Variants in PUSL1 observed in about 807,000 individuals in gnomAD.
The protein encoded by PUSL1 is pseudouridine synthase like 1.
In PUSL1, 51 loss-of-function variants were observed where a neutral mutation model predicts 30.7. That is an observed-to-expected ratio of 1.66 (90% CI 1.33 to 2.10). The LOEUF is 2.10. Among genes scored for constraint, PUSL1 ranks in the 30% most tolerant of loss-of-function variants. PUSL1 has a pLI of 0.00. For missense variants in PUSL1, 609 were observed against 427.6 expected, an observed-to-expected ratio of 1.42 and a Z score of -3.74; for synonymous variants, 290 against 192.1, an observed-to-expected ratio of 1.51 and a Z score of -4.21.
Position 1,309,109 on chromosome 1 carries a change from C to G in PUSL1, c.159C>G (p.Ser53=), listed in dbSNP as rs777135912. 2 of 1,514,158 alleles carry G rather than the reference C, an allele frequency of 1.3e-6. No homozygotes were observed. The highest frequency in any genetic ancestry group is 2.1e-5 in the Admixed American group (1 of 48,244). 93.8% of individuals were successfully genotyped at this position (1,514,158 alleles called of 1,614,324 possible). A position where few individuals can be genotyped will look rare whatever the true frequency, so the allele number is the denominator to read the frequency against. The stretch of plus-strand genomic sequence containing the variant: ...AGGAGGCCGCCGAGCGGCTGAATTC[C>G]GTGGAGCCGGTCAGGTTCACCATCT... ...YLEEAAERLN[S]VEPVRFTISS... The change falls in exon 3 of 8, where the codon TCC becomes TCG. Residue 53 remains serine, a synonymous_variant. Coordinates refer to ENST00000379031, the MANE Select transcript of PUSL1 (RefSeq NM_153339.3).
At position 1,309,804 on chromosome 1, in the gene PUSL1, C is replaced by G. The variant is rs1461064487; in HGVS notation, c.597C>G (p.Ser199=). Reference sequence around the variant, plus strand: ...CCGTGCGAACGCTGCGCCGGGTCTCCGTTTCCCCAGGCCAAGCCAGCCCCT... The same window carrying G: ...CCGTGCGAACGCTGCGCCGGGTCTCGGTTTCCCCAGGCCAAGCCAGCCCCT... ...PSPVRTLRRV[S]VSPGQASPLV... The change falls in exon 5 of 8, where the codon TCC becomes TCG. Residue 199 remains serine, a synonymous_variant. Coordinates refer to ENST00000379031, the MANE Select transcript of PUSL1 (RefSeq NM_153339.3). The G allele has an allele frequency of 6.4e-7, 1 of 1,552,934 alleles. No homozygotes were observed. Among genetic ancestry groups the G allele is most frequent in the Non-Finnish European group, 8.7e-7 (1 of 1,148,200 alleles).
At chr1:1,311,243 TC>T (rs1642129573) in intron 7 of PUSL1, 86 bp from the exon 8 acceptor site, 1 of 1,424,878 alleles carries the variant, frequency 7.0e-7, no homozygotes, top group South Asian at 1.4e-5. Flanking sequence ...GCTGGCCCAC[TC>T]CCTGGTCATG....
intron 3 of PUSL1, 32 bp downstream of exon 3, chr1:1,309,305 G>C: frequency 2.1e-6 from 3 of 1,462,282 alleles, no homozygotes; most frequent in South Asian, 1.4e-5. Context: ...CCCTGGGGCT[G>C]TGCCTTCCCG....
In PUSL1 at chr1:1,308,619, C is replaced by T. The variant is rs1189336923; in HGVS notation, c.-25C>T. 4.8e-6 allele frequency: 7 copies of T among 1,456,608 alleles called. No homozygotes were observed. Among genetic ancestry groups the T allele is most frequent in the African/African-American group, 4.5e-5 (3 of 66,892 alleles). 90.2% of individuals were successfully genotyped at this position (1,456,608 alleles called of 1,614,324 possible). A position where few individuals can be genotyped will look rare whatever the true frequency, so the allele number is the denominator to read the frequency against. ...AGGATTCCTGCGCTGGAGGCCGCCT[C>T]TGACGCCACCGGCTGGGCTCCGCCA... On this transcript the variant is annotated 5_prime_UTR_variant, in exon 1 of 8. Coordinates refer to ENST00000379031, the MANE Select transcript of PUSL1 (RefSeq NM_153339.3).
chr1:1,309,128 A>T lies in PUSL1; in HGVS notation c.178A>T (p.Thr60Ser). 6.6e-7 allele frequency: 1 copy of T among 1,526,180 alleles called. No individual in the cohort carries two copies. Among genetic ancestry groups the T allele is most frequent in the Non-Finnish European group, 8.7e-7 (1 of 1,144,668 alleles). 94.5% of individuals were successfully genotyped at this position (1,526,180 alleles called of 1,614,324 possible). ...GAATTCCGTGGAGCCGGTCAGGTTC[A>T]CCATCTCCAGCCGCACGGACGCCGG... is the stretch of plus-strand genomic sequence containing the variant. ...RLNSVEPVRF[T>S]ISSRTDAGVH... Residue 60 changes from threonine (T) to serine (S), a missense_variant, in exon 3 of 8, where the codon ACC becomes TCC. Coordinates refer to ENST00000379031, the MANE Select transcript of PUSL1 (RefSeq NM_153339.3).
Position 1,309,572 on chromosome 1 carries a change from G to A in PUSL1, c.442G>A (p.Glu148Lys). Residue 148 changes from glutamate (E) to lysine (K), a missense_variant, in exon 4 of 8, where the codon GAA becomes AAA. Physicochemically the swap from Glu to Lys is moderately conservative, Grantham distance 56. Transcript: ENST00000379031. The part of the protein sequence containing the change: ...CHRRDELPVF[E>K]RNLCWTLPAD... The stretch of plus-strand genomic sequence containing the variant: ...CCGGCGTGATGAGCTGCCGGTGTTT[G>A]AACGCAACCTATGCTGGACTCTCCC... The A allele has an allele frequency of 6.2e-7, 1 of 1,612,108 alleles. No homozygotes were observed. The highest frequency in any genetic ancestry group is 8.5e-7 in the Non-Finnish European group (1 of 1,179,770).
rs753236587 is a variant in PUSL1, at chr1:1,309,466, C to T, written c.336C>T (p.Ala112=). The T allele has an allele frequency of 6.2e-6, 10 of 1,603,576 alleles. No homozygotes were observed. Among genetic ancestry groups the T allele is most frequent in the African/African-American group, 5.4e-5 (4 of 74,720 alleles). ...CCTGCCGCCATAGGGTCCTGCGGGC[C>T]TTCCGAGTGCCCAGCGACTTCCACG... ...LRHPAIRVLR[A]FRVPSDFHAR... The change falls in exon 4 of 8, where the codon GCC becomes GCT. Residue 112 remains alanine (A), a synonymous_variant. Transcript: ENST00000379031.
Position 1,309,073 on chromosome 1 carries a change from C to A in PUSL1, c.136-13C>A. 7.0e-7 allele frequency: 1 copy of A among 1,425,368 alleles called. No individual in the cohort carries two copies. Among genetic ancestry groups the A allele is most frequent in the Non-Finnish European group, 9.1e-7 (1 of 1,099,902 alleles). The allele number at this position is 1,425,368 out of a possible 1,614,324, so 88.3% of individuals were successfully genotyped here. On this transcript the variant is annotated splice_polypyrimidine_tract_variant and intron_variant, in intron 2 of 7. Transcript: ENST00000379031. ...CCTCGCTCACCCGCCCGCCCCGCGG[C>A]TCGGTCCTGCAGGAGGCCGCCGAGC...
chr1:1,309,235 C>G lies in PUSL1; in HGVS notation c.285C>G (p.Ala95=). 3 of 1,514,050 alleles carry G rather than the reference C, an allele frequency of 2.0e-6. No homozygotes were observed. The highest frequency in any genetic ancestry group is 2.6e-6 in the Non-Finnish European group (3 of 1,138,788). The allele number at this position is 1,514,050 out of a possible 1,614,324, so 93.8% of individuals were successfully genotyped here. A position where few individuals can be genotyped will look rare whatever the true frequency, so the allele number is the denominator to read the frequency against. The change falls in exon 3 of 8, where the codon GCC becomes GCG. Residue 95 remains alanine (A), a synonymous_variant. Transcript: ENST00000379031. Reference sequence around the variant, plus strand: ...CGCCCTTCCCGCCCGAGGTCCTGGCCGAGGCCCTCAACACACACCTGCGGC... The same window carrying G: ...CGCCCTTCCCGCCCGAGGTCCTGGCGGAGGCCCTCAACACACACCTGCGGC... ...GRPPFPPEVL[A]EALNTHLRHP... is the part of the protein sequence containing the mutation.
chr1:1,309,224 G>A lies in PUSL1; in HGVS notation c.274G>A (p.Glu92Lys). The A allele has an allele frequency of 1.3e-6, 2 of 1,520,034 alleles. No individual in the cohort carries two copies. Among genetic ancestry groups the A allele is most frequent in the Non-Finnish European group, 1.8e-6 (2 of 1,142,050 alleles). 94.2% of individuals were successfully genotyped at this position (1,520,034 alleles called of 1,614,324 possible). The part of the protein sequence containing the change: ...RRSGRPPFPP[E>K]VLAEALNTHL... ...CTCAGGCCGGCCGCCCTTCCCGCCC[G>A]AGGTCCTGGCCGAGGCCCTCAACAC... The change falls in exon 3 of 8, where the codon GAG (glutamate) becomes AAG (lysine). Residue 92 changes from glutamate to lysine, a missense_variant. Transcript: ENST00000379031.
At chr1:1,309,999 G>A (rs891069677) in intron 5 of PUSL1, 148 bp downstream of exon 5, 6 of 603,040 alleles carry the variant, frequency 9.9e-6, no homozygotes, top group African/African-American at 1.9e-5. Flanking sequence ...GGATTCGCCC[G>A]GACGCCCCCC....
chr1:1,311,504 C>A lies in PUSL1; in HGVS notation c.*125C>A. 9.9e-7 allele frequency: 1 copy of A among 1,012,142 alleles called. No homozygotes were observed. The highest frequency in any genetic ancestry group is 1.5e-6 in the Non-Finnish European group (1 of 666,924). The allele number at this position is 1,012,142 out of a possible 1,614,324, so 62.7% of individuals were successfully genotyped here. ...TGGTCTCCACAGTAGCCTCCCTGCC[C>A]GGGTCCCAGCACCCTGGATGCCCGT... is the stretch of plus-strand genomic sequence containing the variant. On this transcript the variant is annotated 3_prime_UTR_variant, in exon 8 of 8. Transcript: ENST00000379031.
rs762313757 is a variant in PUSL1 at position 1,311,587 on chromosome 1, G to T, written c.*208G>T. The T allele has an allele frequency of 3.5e-5, 25 of 721,212 alleles. No homozygotes were observed. Among genetic ancestry groups the T allele is most frequent in the Non-Finnish European group, 5.2e-5 (21 of 402,728 alleles). The allele number at this position is 721,212 out of a possible 1,614,324, so 44.7% of individuals were successfully genotyped here. ...GACACAGCCATGTACACCAAGAAGA[G>T]AGTACCAAGTAGTCTTTTGTTCAGC... is the stretch of plus-strand genomic sequence containing the variant. On this transcript the variant is annotated 3_prime_UTR_variant, in exon 8 of 8. Coordinates refer to ENST00000379031, the MANE Select transcript of PUSL1 (RefSeq NM_153339.3).
rs1387919918 is a variant in PUSL1, at chr1:1,309,812, C to T, written c.605C>T (p.Pro202Leu). 2.6e-6 allele frequency: 4 copies of T among 1,549,006 alleles called. No homozygotes were observed. Among genetic ancestry groups the T allele is most frequent in the Middle Eastern group, 1.7e-4 (1 of 5,970 alleles). Reference sequence around the variant, plus strand: ...ACGCTGCGCCGGGTCTCCGTTTCCCCAGGCCAAGCCAGCCCCTTGGTCACC... The same window carrying T: ...ACGCTGCGCCGGGTCTCCGTTTCCCTAGGCCAAGCCAGCCCCTTGGTCACC... ...VRTLRRVSVS[P>L]GQASPLVTPE... The change falls in exon 5 of 8, where the codon CCA becomes CTA. Residue 202 changes from proline (P) to leucine (L), a missense_variant. Physicochemically the swap from Pro to Leu is moderately conservative, Grantham distance 98. Transcript: ENST00000379031.
Position 1,309,001 on chromosome 1 carries a change from G to C in PUSL1, c.135+29G>C, listed in dbSNP as rs1641929245. 3.6e-6 allele frequency: 5 copies of C among 1,393,462 alleles called. 1 individual carries two copies. The South Asian group carries it at 4.9e-5, about 14-fold the overall frequency. The allele number at this position is 1,393,462 out of a possible 1,614,324, so 86.3% of individuals were successfully genotyped here. A position where few individuals can be genotyped will look rare whatever the true frequency, so the allele number is the denominator to read the frequency against. Reference sequence around the variant, plus strand: ...CGCTCAGCCGGTCACGGGACGCCCGGTGAGGGGTAAGGGGGAGGCTCCCGC... The same window carrying C: ...CGCTCAGCCGGTCACGGGACGCCCGCTGAGGGGTAAGGGGGAGGCTCCCGC... On this transcript the variant is annotated intron_variant, in intron 2 of 7. Transcript: ENST00000379031.
intron 7 of PUSL1, 44 bp downstream of exon 7, chr1:1,311,115 A>G (rs1289541251): frequency 6.4e-7 from 1 of 1,561,744 alleles, no homozygotes; most frequent in East Asian, 2.3e-5. Context: ...GTGCCCAGTG[A>G]CTACTGTGGC....
In PUSL1 at chr1:1,309,075, C is replaced by G. The variant is rs113647073; in HGVS notation, c.136-11C>G. On this transcript the variant is annotated splice_polypyrimidine_tract_variant and intron_variant, in intron 2 of 7. Transcript: ENST00000379031. Reference sequence around the variant, plus strand: ...TCGCTCACCCGCCCGCCCCGCGGCTCGGTCCTGCAGGAGGCCGCCGAGCGG... The same window carrying G: ...TCGCTCACCCGCCCGCCCCGCGGCTGGGTCCTGCAGGAGGCCGCCGAGCGG... 1.4e-6 allele frequency: 2 copies of G among 1,427,264 alleles called. No individual in the cohort carries two copies. The highest frequency in any genetic ancestry group is 3.0e-5 in the African/African-American group (2 of 66,520). 88.4% of individuals were successfully genotyped at this position (1,427,264 alleles called of 1,614,324 possible). A position where few individuals can be genotyped will look rare whatever the true frequency, so the allele number is the denominator to read the frequency against.
chr1:1,309,796 C>A lies in PUSL1; in HGVS notation c.589C>A (p.Arg197=). The change falls in exon 5 of 8, where the codon CGG becomes AGG. Residue 197 remains arginine, a synonymous_variant. Coordinates refer to ENST00000379031, the MANE Select transcript of PUSL1 (RefSeq NM_153339.3). ...GCCGAGCCCCGTGCGAACGCTGCGC[C>A]GGGTCTCCGTTTCCCCAGGCCAAGC... is the stretch of plus-strand genomic sequence containing the variant. ...PVPSPVRTLR[R]VSVSPGQASP... The A allele has an allele frequency of 6.4e-7, 1 of 1,555,684 alleles. No individual in the cohort carries two copies. Among genetic ancestry groups the A allele is most frequent in the Non-Finnish European group, 8.7e-7 (1 of 1,149,804 alleles).
At position 1,310,685 on chromosome 1, in the gene PUSL1, A is replaced by T. The variant is rs1483022585; in HGVS notation, c.696A>T (p.Arg232Ser). The T allele has an allele frequency of 4.4e-6, 7 of 1,606,710 alleles. No homozygotes were observed. The South Asian group carries it at 5.5e-5, about 13-fold the overall frequency. Residue 232 changes from arginine (R) to serine (S), a missense_variant, in exon 6 of 8, where the codon AGA becomes AGT. Transcript: ENST00000379031. ...LEFESQSFLY[R>S]QVRRMTAVLV... The stretch of plus-strand genomic sequence containing the variant: ...TTGAGAGCCAGTCTTTCCTGTATAG[A>T]CAGGTAGGCTCTGTTCTGGGGCCGT...
Sources: allele counts gnomAD v4.1 joint callset, GRCh38; gene constraint gnomAD v4.1.1; transcripts MANE v1.5; gene names NCBI Gene and HGNC (gene_info 2026-07-23, HGNC 2026-07-21).